TNN: variants seen among roughly 807,000 people sequenced by gnomAD.
The protein encoded by TNN is tenascin N.
Under a neutral mutation model 134.4 loss-of-function variants are expected in TNN, and 122 were observed. That is an observed-to-expected ratio of 0.91 (90% confidence interval 0.78 to 1.06). The LOEUF is 1.06. Among genes scored for constraint, TNN ranks in the 50% least tolerant of loss-of-function variants. TNN has a pLI of 0.00. For synonymous variants in TNN, 710 were observed against 670.3 expected (o/e 1.06, Z -0.91); for missense variants, 1,739 against 1,699.4 (o/e 1.02, Z -0.41).
intron 15 of TNN, among the ~76,000 whole-genome samples, chr1:175,133,953 C>T (rs1347741874): frequency 4.6e-5 from 7 of 152,128 alleles, no homozygotes; most frequent in Non-Finnish European, 8.8e-5. Context: ...GGAGAACCCA[C>T]CCACACACAA....
intron 9 of TNN, among the ~76,000 whole-genome samples, chr1:175,107,287 T>C (rs1674884571): frequency 7.0e-6 from 1 of 143,356 alleles, no homozygotes; most frequent in African/African-American, 2.5e-5. Flanking sequence ...GGAGTGAAGC[T>C]GCAGACCTTC....
Position 175,077,596 on chromosome 1 carries a change from G to T in TNN, c.178G>T (p.Ala60Ser). The change falls in exon 2 of 19, where the codon GCT becomes TCT. Residue 60 changes from alanine (A) to serine (S), a missense_variant. Transcript: ENST00000239462. ...VPKSALVQVD[A>S]DPQPLSDDGA... ...CAAGTCTGCCTTGGTTCAGGTTGACGCTGACCCTCAGCCCCTCAGTGACGA... is the reference window on the plus strand; with the variant it reads ...CAAGTCTGCCTTGGTTCAGGTTGACTCTGACCCTCAGCCCCTCAGTGACGA... 6.2e-7 allele frequency: 1 copy of T among 1,614,196 alleles called. No homozygotes were observed. Among genetic ancestry groups the T allele is most frequent in the Non-Finnish European group, 8.5e-7 (1 of 1,180,040 alleles).
chr1:175,131,323 A>C (rs776504556), intron 15 of TNN, among the ~76,000 whole-genome samples: 30 of 152,218 alleles, frequency 2.0e-4, no homozygotes, highest in Non-Finnish European at 3.2e-4. Context: ...CAGACATTTC[A>C]ATGCAAGTTT....
intron 9 of TNN, among the ~76,000 whole-genome samples, chr1:175,109,095 T>A (rs2149436453): frequency 9.2e-6 from 1 of 108,586 alleles, no homozygotes; most frequent in South Asian, 3.0e-4. Flanking sequence ...TTTTTTTTTT[T>A]TTTTGAGACG....
intron 6 of TNN, among the ~76,000 whole-genome samples, chr1:175,087,645 T>C (rs1367813093): frequency 1.6e-4 from 25 of 152,232 alleles, no homozygotes; most frequent in Admixed American, 1.6e-3. Context: ...TTTTTCCCCA[T>C]ACACCAGGGA....
intron 17 of TNN, among the ~76,000 whole-genome samples, chr1:175,137,285 T>C (rs1379184027): frequency 6.6e-6 from 1 of 152,004 alleles, no homozygotes; most frequent in Non-Finnish European, 1.5e-5. Flanking sequence ...GATGAGCCCA[T>C]ATTCTGAACA....
intron 13 of TNN, among the ~76,000 whole-genome samples, chr1:175,127,315 C>T (rs1392054826): frequency 6.6e-6 from 1 of 152,206 alleles, no homozygotes; most frequent in Non-Finnish European, 1.5e-5. Flanking sequence ...GTGCATAGGA[C>T]AGTGCTTAGC....
chr1:175,118,290 C>T (rs1675238286), intron 10 of TNN, among the ~76,000 whole-genome samples: 1 of 152,130 alleles, frequency 6.6e-6, no homozygotes, highest in Admixed American at 6.5e-5. Context: ...TATACCCTTA[C>T]TAGATGAATA....
intron 3 of TNN, among the ~76,000 whole-genome samples, chr1:175,079,927 C>T (rs1674159632): frequency 6.6e-6 from 1 of 151,810 alleles, no homozygotes; most frequent in Non-Finnish European, 1.5e-5. Context: ...AGGCCCTAAC[C>T]TTGAGGACCA....
chr1:175,121,371 T>A (rs1396455890), intron 11 of TNN, among the ~76,000 whole-genome samples: 1 of 152,134 alleles, frequency 6.6e-6, no homozygotes, highest in African/African-American at 2.4e-5. Context: ...AAGAGGCCAG[T>A]TTTGCTGGAG....
In TNN at chr1:175,145,769, C is replaced by T. The variant is rs144072725; in HGVS notation, c.3760-1162C>T. Among the ~76,000 whole-genome samples the T allele has an allele frequency of 6.8e-4, 103 of 152,076 alleles. 1 individual carries two copies. In the East Asian group the frequency reaches 7.7e-3, roughly 11 times the overall value. ...CACATTGCCCTGAAACTGTCCCACC[C>T]GCTATTTCTCAAGCCTCCTCTGCCC... On this transcript the variant is annotated intron_variant, in intron 18 of 18. Transcript: ENST00000239462.
At position 175,128,653 on chromosome 1, in the gene TNN, C is replaced by T. The variant is rs769644575; in HGVS notation, c.3237C>T (p.Ala1079=). The T allele has an allele frequency of 2.4e-5, 39 of 1,613,854 alleles. No homozygotes were observed. The Middle Eastern group carries it at 9.9e-4, about 41-fold the overall frequency. The part of the protein sequence containing the change: ...DCSQVQQNSN[A]ASGLYTIYLH... ...GTCAGGTTCAGCAGAACAGCAATGC[C>T]GCCAGTGGTCTGTACACCATCTACC... The change falls in exon 15 of 19, where the codon GCC becomes GCT. Residue 1079 remains alanine, a synonymous_variant. Coordinates refer to ENST00000239462, the MANE Select transcript of TNN (RefSeq NM_022093.2).
Position 175,094,219 on chromosome 1 carries a change from G to A in TNN, c.1554G>A (p.Gln518=), listed in dbSNP as rs766449440. 9 of 1,611,266 alleles carry A rather than the reference G, an allele frequency of 5.6e-6. No homozygotes were observed. The South Asian group carries it at 7.7e-5, about 14-fold the overall frequency. The change falls in exon 7 of 19, where the codon CAG becomes CAA. Residue 518 remains glutamine (Q), a synonymous_variant. Transcript: ENST00000239462. ...ACGTGTGGGCTGAAAGGGGCAACCAGGGGAGCAAGAAAGCTGACACCAATG... is the reference window on the plus strand; with the variant it reads ...ACGTGTGGGCTGAAAGGGGCAACCAAGGGAGCAAGAAAGCTGACACCAATG... ...KVYVWAERGN[Q]GSKKADTNAL...
In TNN at chr1:175,125,674, C is replaced by T. The variant is rs537726225; in HGVS notation, c.2915-1281C>T. ...CCTTCCTTCCTTCCTTCTCTCCCTC[C>T]CTCCCTCCTTTCTTTCTCTCTTTTT... On this transcript the variant is annotated intron_variant, in intron 12 of 18. Transcript: ENST00000239462. Among the ~76,000 whole-genome samples the T allele has an allele frequency of 1.1e-3, 128 of 111,754 alleles. 2 individuals carry two copies. Among genetic ancestry groups the T allele is most frequent in the African/African-American group, 4.2e-3 (122 of 28,932 alleles). 73.3% of individuals were successfully genotyped at this position (111,754 alleles called of 152,430 possible).
chr1:175,135,833 C>T lies in TNN; in HGVS notation c.3331-12C>T. 6.2e-7 allele frequency: 1 copy of T among 1,608,250 alleles called. No homozygotes were observed. The highest frequency in any genetic ancestry group is 8.5e-7 in the Non-Finnish European group (1 of 1,174,798). ...TGGAGGGTCAGAGTGAAGTATTCATCTTCCTTCTCAGGTCTTCCAGAGGCG... is the reference window on the plus strand; with the variant it reads ...TGGAGGGTCAGAGTGAAGTATTCATTTTCCTTCTCAGGTCTTCCAGAGGCG... On this transcript the variant is annotated splice_polypyrimidine_tract_variant and intron_variant, in intron 15 of 18. Coordinates refer to ENST00000239462, the MANE Select transcript of TNN (RefSeq NM_022093.2).
In TNN at chr1:175,094,190, G is replaced by C. The variant is rs769446847; in HGVS notation, c.1525G>C (p.Val509Leu). Reference protein sequence around the residue: ...TGLKPGEAYKVYVWAERGNQG... With the variant: ...TGLKPGEAYKLYVWAERGNQG... ...CCTGAAGCCAGGAGAGGCATACAAG[G>C]TCTACGTGTGGGCTGAAAGGGGCAA... Residue 509 changes from valine (V) to leucine (L), a missense_variant, in exon 7 of 19, where the codon GTC (valine) becomes CTC (leucine). Val to Leu is a conservative substitution (Grantham distance 32, BLOSUM62 1). Transcript: ENST00000239462. 25 of 1,613,750 alleles carry C rather than the reference G, an allele frequency of 1.5e-5. No individual in the cohort carries two copies. The highest frequency in any genetic ancestry group is 2.1e-5 in the Non-Finnish European group (25 of 1,179,826).
At chr1:175,113,927 C>T (rs1298495983) in intron 9 of TNN, among the ~76,000 whole-genome samples, 2 of 152,078 alleles carry the variant, frequency 1.3e-5, no homozygotes, top group Non-Finnish European at 2.9e-5. Context: ...TATCTCTTCA[C>T]TGAATTTCTC....
Position 175,068,857 on chromosome 1 carries a change from G to A in TNN, c.-36+922G>A, listed in dbSNP as rs753768803. ...TGGGAGGTGGAGGTTGCGGTGAGCC[G>A]AGATTGAACCATTGCACTCCAGCCT... On this transcript the variant is annotated intron_variant, in intron 1 of 18. Coordinates refer to ENST00000239462, the MANE Select transcript of TNN (RefSeq NM_022093.2). Among the ~76,000 whole-genome samples, 6 of 152,170 alleles carry A rather than the reference G, an allele frequency of 3.9e-5. No individual in the cohort carries two copies. In the South Asian group the frequency reaches 6.2e-4, roughly 16 times the overall value.
At position 175,085,415 on chromosome 1, in the gene TNN, G is replaced by A. The variant is rs368938766; in HGVS notation, c.1245G>A (p.Pro415=). The A allele has an allele frequency of 2.5e-5, 41 of 1,609,592 alleles. No homozygotes were observed. The highest frequency in any genetic ancestry group is 3.3e-4 in the Middle Eastern group (2 of 6,078). The change falls in exon 6 of 19, where the codon CCG becomes CCA. Residue 415 remains proline (P), a synonymous_variant. Coordinates refer to ENST00000239462, the MANE Select transcript of TNN (RefSeq NM_022093.2). ...CCTGCTTGTTTCCAGGTCTGCACCC[G>A]GGGACTGAGTATAAGATCACGGTGG... ...KSRYDITGLH[P]GTEYKITVVP...
Sources: allele counts gnomAD v4.1 joint callset (sites outside exome capture counted in the v4.1 genomes callset), GRCh38; gene constraint gnomAD v4.1.1; transcripts MANE v1.5; gene names NCBI Gene and HGNC (gene_info 2026-07-23, HGNC 2026-07-21).